Variants in ZNF736 observed in about 807,000 individuals in gnomAD.
ZNF736 encodes zinc finger protein 736.
ZNF736 carries 6 observed loss-of-function variants against 11.7 expected under a neutral mutation model. That is an observed-to-expected ratio of 0.51 (90% CI 0.28 to 1.01). ZNF736 has a LOEUF of 1.01. Among genes scored for constraint, ZNF736 ranks in the 50% least tolerant of loss-of-function variants. The pLI is 0.09. For synonymous variants in ZNF736, 139 were observed against 164.7 expected (o/e 0.84, Z 1.19); for missense variants, 444 against 496.0 (o/e 0.90, Z 1.00).
At position 64,351,413 on chromosome 7, in the gene ZNF736, T is replaced by C. The variant is rs1489151277; in HGVS notation, c.*2266T>C. The C allele has an allele frequency of 1.3e-5, 2 of 152,476 alleles. No individual in the cohort carries two copies. The highest frequency in any genetic ancestry group is 2.1e-4 in the South Asian group (1 of 4,830). The allele number at this position is 152,476 out of a possible 1,614,324, so 9.4% of individuals were successfully genotyped here. On this transcript the variant is annotated 3_prime_UTR_variant, in exon 4 of 4. Coordinates refer to ENST00000423484, the MANE Select transcript of ZNF736 (RefSeq NM_001170905.3). ...GGGGAAGAAATGTGGGCTGGTGCAG[T>C]CATAGGGGCTGCTTTGCTGGAGCTC...
rs1416546288 is a variant in ZNF736 at position 64,350,711 on chromosome 7, G to A, written c.*1564G>A. The A allele has an allele frequency of 6.6e-6, 1 of 151,658 alleles. No homozygotes were observed. The highest frequency in any genetic ancestry group is 1.5e-5 in the Non-Finnish European group (1 of 68,020). 9.4% of individuals were successfully genotyped at this position (151,658 alleles called of 1,614,324 possible). On this transcript the variant is annotated 3_prime_UTR_variant, in exon 4 of 4. Transcript: ENST00000423484. ...TTTTAATCCTATTTGATGGTCTTGA[G>A]TATTTGATTGTGGTATAAGATGGAT...
intron 1 of ZNF736, among the ~76,000 whole-genome samples, chr7:64,316,948 C>G (rs942780529): frequency 1.3e-5 from 2 of 152,140 alleles, no homozygotes; most frequent in Admixed American, 6.5e-5. Flanking sequence ...GGAAATGTCT[C>G]TCTCATGATG....
intron 1 of ZNF736, among the ~76,000 whole-genome samples, chr7:64,335,815 A>G (rs1789241105): frequency 6.6e-6 from 1 of 152,338 alleles, no homozygotes; most frequent in South Asian, 2.1e-4. Context: ...CAAACTTCTT[A>G]CAAATTTGGA....
intron 1 of ZNF736, among the ~76,000 whole-genome samples, chr7:64,324,730 A>G (rs577551238): frequency 6.6e-6 from 1 of 152,346 alleles, no homozygotes; most frequent in East Asian, 1.9e-4. Context: ...ATCTACCTGC[A>G]TAGACACAGA....
rs1308895753 is a variant in ZNF736 at position 64,352,736 on chromosome 7, C to T, written c.*3589C>T. On this transcript the variant is annotated 3_prime_UTR_variant, in exon 4 of 4. Transcript: ENST00000423484. ...AGCACCTGTACTGTGCTAGGAGATC[C>T]TTTCCGCCCCCCGGTCAGCTTGGGC... is the stretch of plus-strand genomic sequence containing the variant. 6.6e-6 allele frequency: 1 copy of T among 152,266 alleles called. No individual in the cohort carries two copies. Among genetic ancestry groups the T allele is most frequent in the Admixed American group, 6.5e-5 (1 of 15,280 alleles). The allele number at this position is 152,266 out of a possible 1,614,324, so 9.4% of individuals were successfully genotyped here. A position where few individuals can be genotyped will look rare whatever the true frequency, so the allele number is the denominator to read the frequency against.
chr7:64,319,329 A>C (rs796713921), intron 1 of ZNF736, among the ~76,000 whole-genome samples: 3 of 50,554 alleles, frequency 5.9e-5, no homozygotes, highest in Admixed American at 2.5e-4. Flanking sequence ...GTGTGTGTGT[A>C]TGTGTATATA....
chr7:64,327,128 A>G (rs1021239092), intron 1 of ZNF736, among the ~76,000 whole-genome samples: 35 of 152,134 alleles, frequency 2.3e-4, no homozygotes, highest in African/African-American at 8.0e-4. Context: ...TGATCTGTCT[A>G]CTGTTTAAAG....
chr7:64,336,856 A>G (rs1352631588), intron 2 of ZNF736, 31 bp from the exon 3 acceptor site: 2 of 1,520,022 alleles, frequency 1.3e-6, no homozygotes, highest in Non-Finnish European at 1.8e-6. Flanking sequence ...TTATCCTAGC[A>G]AGAGTCATGT....
At chr7:64,321,902 GAT>G (rs1275536547) in intron 1 of ZNF736, among the ~76,000 whole-genome samples, 4 of 152,216 alleles carry the variant, frequency 2.6e-5, no homozygotes. Context: ...TGTTACCTAA[GAT>G]ATGAACTTTG....
chr7:64,323,812 C>T (rs1789039682), intron 1 of ZNF736, among the ~76,000 whole-genome samples: 1 of 152,128 alleles, frequency 6.6e-6, no homozygotes, highest in Non-Finnish European at 1.5e-5. Flanking sequence ...TTGATCTGTG[C>T]AGCAAAGTAC....
At chr7:64,334,624 A>G (rs925119236) in intron 1 of ZNF736, among the ~76,000 whole-genome samples, 1 of 152,202 alleles carries the variant, frequency 6.6e-6, no homozygotes, top group African/African-American at 2.4e-5. Context: ...GCGAGCATTA[A>G]AAAGTCAGGA....
At chr7:64,320,820 G>T (rs117632276) in intron 1 of ZNF736, among the ~76,000 whole-genome samples, 7,386 of 152,072 alleles carry the variant, frequency 0.049, 460 homozygotes, top group East Asian at 0.35. Context: ...AAAACCTGCC[G>T]TTTCCAATTG....
chr7:64,326,927 G>T (rs1370792043), intron 1 of ZNF736, among the ~76,000 whole-genome samples: 2 of 151,998 alleles, frequency 1.3e-5, no homozygotes, highest in Non-Finnish European at 2.9e-5. Flanking sequence ...AATCTTATTT[G>T]GGGGGAGATT....
intron 1 of ZNF736, 33 bp downstream of exon 1, chr7:64,314,186 G>A (rs1221899863): frequency 1.3e-6 from 2 of 1,551,462 alleles, no homozygotes; most frequent in Non-Finnish European, 1.7e-6. Flanking sequence ...CCGAGAATGG[G>A]GAAGAGGCTG....
At chr7:64,344,303 A>C (rs1239989122) in intron 3 of ZNF736, among the ~76,000 whole-genome samples, 1 of 152,234 alleles carries the variant, frequency 6.6e-6, no homozygotes, top group Non-Finnish European at 1.5e-5. Flanking sequence ...ACTCTGTCTA[A>C]AAAATAAAAA....
intron 3 of ZNF736, among the ~76,000 whole-genome samples, chr7:64,341,372 AATCTAATAT>A (rs1392362362): frequency 1.3e-5 from 2 of 152,040 alleles, no homozygotes; most frequent in African/African-American, 4.8e-5. Context: ...ACAGCCATCT[AATCTAATAT>A]TTAAAGACTT....
chr7:64,348,022 A>G lies in ZNF736; in HGVS notation c.227-68A>G, dbSNP rs1789434534. On this transcript the variant is annotated intron_variant, in intron 3 of 3. Coordinates refer to ENST00000423484, the MANE Select transcript of ZNF736 (RefSeq NM_001170905.3). Reference sequence around the variant, plus strand: ...ATTATCGTTTTATTAATTGCTTTGTATAATTATATATTTGTGAAGTATATT... The same window carrying G: ...ATTATCGTTTTATTAATTGCTTTGTGTAATTATATATTTGTGAAGTATATT... The G allele has an allele frequency of 1.5e-5, 19 of 1,230,144 alleles. 2 individuals carry two copies. The South Asian group carries it at 3.1e-4, about 20-fold the overall frequency. The allele number at this position is 1,230,144 out of a possible 1,614,324, so 76.2% of individuals were successfully genotyped here.
chr7:64,336,468 A>G, intron 2 of ZNF736, 83 bp downstream of exon 2: 1 of 1,398,306 alleles, frequency 7.2e-7, no homozygotes, highest in Non-Finnish European at 9.5e-7. Flanking sequence ...TCTGCTTTGC[A>G]TAAATGAGTT....
chr7:64,351,507 C>G lies in ZNF736; in HGVS notation c.*2360C>G, dbSNP rs1234424399. ...GAGCTTCCAGGGTACCTGAGACTGC[C>G]CTGTAAGCAGCTGTGGCCAGACTGG... On this transcript the variant is annotated 3_prime_UTR_variant, in exon 4 of 4. Coordinates refer to ENST00000423484, the MANE Select transcript of ZNF736 (RefSeq NM_001170905.3). 2.6e-5 allele frequency: 4 copies of G among 152,296 alleles called. No individual in the cohort carries two copies. The highest frequency in any genetic ancestry group is 9.6e-5 in the African/African-American group (4 of 41,456). The allele number at this position is 152,296 out of a possible 1,614,324, so 9.4% of individuals were successfully genotyped here.
Sources: gnomAD v4.1 joint callset for allele counts (sites outside exome capture counted in the v4.1 genomes callset) on GRCh38, gnomAD v4.1.1 for gene constraint, MANE v1.5 for transcripts, NCBI Gene and HGNC (gene_info 2026-07-23, HGNC 2026-07-21) for gene names.